Variants in BID observed in about 807,000 individuals in gnomAD.
BID encodes BH3-interacting domain death agonist.
Under a neutral mutation model 17.4 loss-of-function variants are expected in BID, and 19 were observed. The observed-to-expected ratio is 1.09, with a 90% confidence interval of 0.76 to 1.60. The LOEUF (loss-of-function observed/expected upper bound fraction) is 1.60. Among genes scored for constraint, BID ranks in the 40% most tolerant of loss-of-function variants. BID has a pLI of 0.00. For missense variants in BID, 226 were observed against 256.0 expected (o/e 0.88, Z 0.80); for synonymous variants, 108 against 102.8 (o/e 1.05, Z -0.31).
In BID at chr22:17,735,324, T is replaced by TC; in HGVS notation, c.*255_*256insG. 1.3e-4 allele frequency: 66 copies of TC among 492,178 alleles called. No homozygotes were observed. Among genetic ancestry groups the TC allele is most frequent in the South Asian group, 4.4e-4 (15 of 34,328 alleles). The allele number at this position is 492,178 out of a possible 1,614,324, so 30.5% of individuals were successfully genotyped here. ...GGCACCGTGTGTAGATTTACAGATGTGCAGATTCATGTGTGGATGATATGA... is the reference window on the plus strand; with the variant it reads ...GGCACCGTGTGTAGATTTACAGATGTCGCAGATTCATGTGTGGATGATATGA... On this transcript the variant is annotated 3_prime_UTR_variant, in exon 6 of 6. Coordinates refer to ENST00000622694, the MANE Select transcript of BID (RefSeq NM_001196.4).
Position 17,759,241 on chromosome 22 carries a change from C to CAA in BID, c.-58-9069_-58-9068dup, listed in dbSNP as rs1555906713. ...AAAGACTCCGTCTCAAAACAAAAAA[C>CAA]AAAACAAAAAAAAAAAAACAAAAGA... On this transcript the variant is annotated intron_variant, in intron 1 of 5. Transcript: ENST00000622694. Among the ~76,000 whole-genome samples the CAA allele has an allele frequency of 9.1e-3, 883 of 97,020 alleles. 12 individuals are homozygous for CAA. Among genetic ancestry groups the CAA allele is most frequent in the African/African-American group, 0.044 (846 of 19,420 alleles). 63.6% of individuals were successfully genotyped at this position (97,020 alleles called of 152,430 possible). A position where few individuals can be genotyped will look rare whatever the true frequency, so the allele number is the denominator to read the frequency against.
chr22:17,757,657 C>T (rs1310484743), intron 1 of BID, among the ~76,000 whole-genome samples: 3 of 143,982 alleles, frequency 2.1e-5, no homozygotes, highest in Non-Finnish European at 4.5e-5. Context: ...TGCAGTGAGC[C>T]AAGATAGCGC....
intron 2 of BID, among the ~76,000 whole-genome samples, chr22:17,748,445 C>T (rs147854536): frequency 0.03 from 4,392 of 146,116 alleles, 99 homozygotes; most frequent in African/African-American, 0.07. Flanking sequence ...GAGGCGGAGC[C>T]TGCAGTGAGC....
chr22:17,756,435 C>T (rs796722065), intron 1 of BID, among the ~76,000 whole-genome samples: 5 of 26,968 alleles, frequency 1.9e-4, no homozygotes, highest in Non-Finnish European at 3.3e-4. Flanking sequence ...TTTCTTTCTT[C>T]TTTCTTTCTT....
intron 1 of BID, among the ~76,000 whole-genome samples, chr22:17,761,012 A>G (rs2061634207): frequency 6.6e-6 from 1 of 152,150 alleles, no homozygotes; most frequent in Non-Finnish European, 1.5e-5. Flanking sequence ...TTACACATAC[A>G]CACCGAACCA....
At chr22:17,757,998 A>C (rs978569680) in intron 1 of BID, among the ~76,000 whole-genome samples, 5 of 152,240 alleles carry the variant, frequency 3.3e-5, no homozygotes, top group Admixed American at 6.5e-5. Context: ...TGTGGGGCTG[A>C]CAGCATAGAC....
At chr22:17,759,445 G>C (rs1285746221) in intron 1 of BID, among the ~76,000 whole-genome samples, 1 of 148,328 alleles carries the variant, frequency 6.7e-6, no homozygotes, top group Non-Finnish European at 1.5e-5. Context: ...CCAGCTACTC[G>C]GGAGGCTGAG....
chr22:17,771,117 T>A (rs2145925684), intron 1 of BID, among the ~76,000 whole-genome samples: 1 of 152,328 alleles, frequency 6.6e-6, no homozygotes, highest in East Asian at 1.9e-4. Context: ...ACTTTTTTTT[T>A]GAGACGGAGT....
chr22:17,756,471 CTTTCTTTTCTTTCTTTCTTTCTT>C (rs2061589686), intron 1 of BID, among the ~76,000 whole-genome samples: 1 of 102,200 alleles, frequency 9.8e-6, no homozygotes, highest in African/African-American at 3.5e-5. Context: ...TTCTTTCTTT[CTTTCTTTTCTTTCTTTCTTTCTT>C]TCTCTCTCTC....
At position 17,735,532 on chromosome 22, in the gene BID, C is replaced by T. The variant is rs2061413072; in HGVS notation, c.*48G>A. Reference sequence around the variant, plus strand: ...GTCTACACTGGAAGCAGCTATACAGCTGTGACCACATCGAGCTTTAGCCAG... The same window carrying T: ...GTCTACACTGGAAGCAGCTATACAGTTGTGACCACATCGAGCTTTAGCCAG... On this transcript the variant is annotated 3_prime_UTR_variant, in exon 6 of 6. Coordinates refer to ENST00000622694, the MANE Select transcript of BID (RefSeq NM_001196.4). The T allele has an allele frequency of 6.2e-7, 1 of 1,612,730 alleles. No individual in the cohort carries two copies.
At chr22:17,771,510 C>T (rs919090762) in intron 1 of BID, among the ~76,000 whole-genome samples, 3 of 151,882 alleles carry the variant, frequency 2.0e-5, no homozygotes, top group Non-Finnish European at 4.4e-5. Context: ...CTCCCGGGCT[C>T]GAGCAATCCT....
intron 2 of BID, among the ~76,000 whole-genome samples, chr22:17,747,676 GA>G (rs955788319): frequency 7.3e-4 from 111 of 151,926 alleles, no homozygotes; most frequent in African/African-American, 2.5e-3. Flanking sequence ...TAGATCACAG[GA>G]AAAAAATATG....
chr22:17,737,510 C>G (rs1243366366), intron 5 of BID, among the ~76,000 whole-genome samples: 3 of 152,066 alleles, frequency 2.0e-5, no homozygotes, highest in Admixed American at 1.3e-4. Flanking sequence ...CCATGCCCGG[C>G]TAATTTTTGT....
At chr22:17,761,202 A>C (rs547281829) in intron 1 of BID, among the ~76,000 whole-genome samples, 1 of 152,294 alleles carries the variant, frequency 6.6e-6, no homozygotes, top group Non-Finnish European at 1.5e-5. Flanking sequence ...TTTAGAGGCA[A>C]TCTGGACAGT....
At chr22:17,747,847 G>A (rs1199130170) in intron 2 of BID, among the ~76,000 whole-genome samples, 18 of 146,988 alleles carry the variant, frequency 1.2e-4, no homozygotes, top group East Asian at 6.5e-4. Context: ...GGAAGCCGAG[G>A]CGGGCGGATC....
chr22:17,773,873 G>A lies in BID; in HGVS notation c.-59+508C>T. 1.6e-6 allele frequency: 1 copy of A among 641,016 alleles called. No homozygotes were observed. The highest frequency in any genetic ancestry group is 2.7e-6 in the Non-Finnish European group (1 of 369,112). The allele number at this position is 641,016 out of a possible 1,614,324, so 39.7% of individuals were successfully genotyped here. The stretch of plus-strand genomic sequence containing the variant: ...AGCGGGCGAGCCCCAGTAAGCGGCC[G>A]CTCTGACCGCGCTTTGTCAGCCCTG... On this transcript the variant is annotated intron_variant, in intron 1 of 5. Coordinates refer to ENST00000622694, the MANE Select transcript of BID (RefSeq NM_001196.4). The surrounding 1 kb of genome is among the most constrained non-coding windows in gnomAD (Gnocchi z 4.4).
intron 1 of BID, among the ~76,000 whole-genome samples, chr22:17,763,809 C>G (rs1202157975): frequency 6.7e-6 from 1 of 150,194 alleles, no homozygotes; most frequent in Non-Finnish European, 1.5e-5. Flanking sequence ...AGAATGAGGT[C>G]TGTATCAGAT....
In BID at chr22:17,757,625, A is replaced by C. The variant is rs188656264; in HGVS notation, c.-58-7451T>G. 1.7e-3 allele frequency among the ~76,000 whole-genome samples: 249 copies of C among 148,100 alleles called. 2 individuals carry two copies. Among genetic ancestry groups the C allele is most frequent in the South Asian group, 5.6e-3 (26 of 4,678 alleles). On this transcript the variant is annotated intron_variant, in intron 1 of 5. Transcript: ENST00000622694. ...TCGGGAGGCTGAGGCAGGAGAATGGAGTGAACCCGGGAGGCGGAGCTTGCA... is the reference window on the plus strand; with the variant it reads ...TCGGGAGGCTGAGGCAGGAGAATGGCGTGAACCCGGGAGGCGGAGCTTGCA...
At position 17,757,708 on chromosome 22, in the gene BID, C is replaced by CAAAA. The variant is rs34700137; in HGVS notation, c.-58-7538_-58-7535dup. ...TGCGCGACAGAGCGAGACTCCGTCTCAAAAAAAAAAAAAAAAGAAAAAAAG... is the reference window on the plus strand; with the variant it reads ...TGCGCGACAGAGCGAGACTCCGTCTCAAAAAAAAAAAAAAAAAAAAGAAAAAAAG... On this transcript the variant is annotated intron_variant, in intron 1 of 5. Transcript: ENST00000622694. 1.1e-3 allele frequency among the ~76,000 whole-genome samples: 108 copies of CAAAA among 94,906 alleles called. 1 individual carries two copies. The highest frequency in any genetic ancestry group is 3.5e-3 in the African/African-American group (104 of 29,370). 62.3% of individuals were successfully genotyped at this position (94,906 alleles called of 152,430 possible). A position where few individuals can be genotyped will look rare whatever the true frequency, so the allele number is the denominator to read the frequency against.
Sources: gnomAD v4.1 joint callset for allele counts (sites outside exome capture counted in the v4.1 genomes callset) on GRCh38, gnomAD v4.1.1 for gene constraint, Gnocchi (gnomAD v3.1) non-coding constraint, MANE v1.5 for transcripts, NCBI Gene and HGNC (gene_info 2026-07-23, HGNC 2026-07-21) for gene names.